The following CCSER1 variants were observed in gnomAD, a reference collection of about 807,000 sequenced individuals.
The protein encoded by CCSER1 is serine-rich coiled-coil domain-containing protein 1.
In CCSER1, 41 loss-of-function variants were observed where a neutral mutation model predicts 82.0. The ratio of observed to expected loss-of-function variants is 0.50; its 90% CI spans 0.39 to 0.65. CCSER1 has a LOEUF of 0.65. CCSER1 is among the 30% of genes least tolerant of loss of function. The pLI, the probability that CCSER1 is intolerant of heterozygous loss-of-function variation, is 0.00. For synonymous variants in CCSER1, 414 were observed against 383.9 expected, an observed-to-expected ratio of 1.08 and a Z score of -0.92; for missense variants, 1,119 against 1,064.2, an observed-to-expected ratio of 1.05 and a Z score of -0.72.
chr4:90,882,710 A>T (rs1302809197), intron 8 of CCSER1, among the ~76,000 whole-genome samples: 3 of 152,044 alleles, frequency 2.0e-5, no homozygotes, highest in African/African-American at 7.2e-5. Flanking sequence ...AACACTGAAT[A>T]GCTTTTTCTA....
At chr4:91,130,566 A>G (rs1010014169) in intron 10 of CCSER1, among the ~76,000 whole-genome samples, 5 of 151,848 alleles carry the variant, frequency 3.3e-5, no homozygotes, top group Non-Finnish European at 7.4e-5. Flanking sequence ...TTCTTTATAT[A>G]GTAAAATATT....
At chr4:91,131,331 CTTTT>C (rs34209878) in intron 10 of CCSER1, among the ~76,000 whole-genome samples, 4 of 137,744 alleles carry the variant, frequency 2.9e-5, no homozygotes, top group Non-Finnish European at 4.7e-5. Context: ...GTTCTCCCCT[CTTTT>C]TTTTTTTTTT....
At chr4:90,669,947 T>C (rs1167780211) in intron 6 of CCSER1, among the ~76,000 whole-genome samples, 1 of 152,108 alleles carries the variant, frequency 6.6e-6, no homozygotes, top group African/African-American at 2.4e-5. Context: ...TCTAAAATGC[T>C]TTTAGATTGG....
chr4:90,975,651 G>A (rs1051663244), intron 9 of CCSER1, among the ~76,000 whole-genome samples: 4 of 151,082 alleles, frequency 2.6e-5, no homozygotes, highest in Non-Finnish European at 5.9e-5. Flanking sequence ...ATTAGTAGTA[G>A]TATGGTTATC....
intron 1 of CCSER1, among the ~76,000 whole-genome samples, chr4:90,209,345 AGGGATCTG>A (rs937418100): frequency 1.3e-5 from 2 of 152,146 alleles, no homozygotes; most frequent in Admixed American, 1.3e-4. Flanking sequence ...TATCATTGGT[AGGGATCTG>A]GGCAATGAGT....
At chr4:91,108,116 A>G (rs984377581) in intron 10 of CCSER1, 5 of 152,228 alleles carry the variant, frequency 3.3e-5, no homozygotes, top group African/African-American at 1.2e-4. Flanking sequence ...AAGAGAGACA[A>G]ATGTTAACAA....
chr4:90,794,489 T>C (rs1755704266), intron 7 of CCSER1, among the ~76,000 whole-genome samples: 1 of 152,214 alleles, frequency 6.6e-6, no homozygotes, highest in Non-Finnish European at 1.5e-5. Flanking sequence ...GTGGCCTTAT[T>C]ACTGGGTTCT....
chr4:91,481,163 T>A lies in CCSER1; in HGVS notation c.2218-117409T>A, dbSNP rs962913807. Among the ~76,000 whole-genome samples, 3 of 151,036 alleles carry A rather than the reference T, an allele frequency of 2.0e-5. No homozygotes were observed. The South Asian group carries it at 6.3e-4, about 32-fold the overall frequency. On this transcript the variant is annotated intron_variant, in intron 10 of 10. Coordinates refer to ENST00000509176, the MANE Select transcript of CCSER1 (RefSeq NM_001145065.2). The stretch of plus-strand genomic sequence containing the variant: ...TTGTGACATGCAGTGTTTGAATGAC[T>A]TCATAATCAGAAATGATATGCTGTA...
chr4:90,271,853 TATATATATA>T (rs1261413783), intron 1 of CCSER1, among the ~76,000 whole-genome samples: 8 of 29,688 alleles, frequency 2.7e-4, no homozygotes, highest in African/African-American at 2.0e-3. Flanking sequence ...TATATATATA[TATATATATA>T]TTTTTTTTTT....
intron 9 of CCSER1, among the ~76,000 whole-genome samples, chr4:91,009,877 TTTTTGAATC>T (rs1396933591): frequency 3.3e-5 from 5 of 152,330 alleles, no homozygotes; most frequent in Admixed American, 3.3e-4. Context: ...GCTATCATTA[TTTTTGAATC>T]TTTTGACTTT....
rs140544707 is a variant in CCSER1 at position 90,515,990 on chromosome 4, CA to C, written c.1724+47637del. 6.6e-3 allele frequency among the ~76,000 whole-genome samples: 1,007 copies of C among 152,160 alleles called. 6 individuals are homozygous for C. Among genetic ancestry groups the C allele is most frequent in the African/African-American group, 0.016 (679 of 41,540 alleles). Reference sequence around the variant, plus strand: ...ATGCTCTGTTTTACATTTAATAAAACAGAAATGGCTTCATGAAGCCTGGAAT... The same window carrying C: ...ATGCTCTGTTTTACATTTAATAAAACGAAATGGCTTCATGAAGCCTGGAAT... On this transcript the variant is annotated intron_variant, in intron 5 of 10. Coordinates refer to ENST00000509176, the MANE Select transcript of CCSER1 (RefSeq NM_001145065.2).
At chr4:90,574,883 G>A (rs904148119) in intron 5 of CCSER1, among the ~76,000 whole-genome samples, 1 of 151,946 alleles carries the variant, frequency 6.6e-6, no homozygotes, top group Non-Finnish European at 1.5e-5. Flanking sequence ...TCTGATGAAT[G>A]TTTTTCTCCC....
chr4:91,196,157 G>C (rs1312905533), intron 10 of CCSER1, among the ~76,000 whole-genome samples: 1 of 147,894 alleles, frequency 6.8e-6, no homozygotes, highest in East Asian at 2.0e-4. Flanking sequence ...ACAGCAGTCC[G>C]GCCTGGGCCA....
intron 9 of CCSER1, among the ~76,000 whole-genome samples, chr4:90,971,635 G>A (rs921130700): frequency 6.6e-6 from 1 of 151,914 alleles, no homozygotes; most frequent in Non-Finnish European, 1.5e-5. Context: ...AAATTGAAAA[G>A]GACAGTATGC....
intron 8 of CCSER1, among the ~76,000 whole-genome samples, chr4:90,820,986 A>G (rs1759656908): frequency 6.6e-6 from 1 of 152,150 alleles, no homozygotes; most frequent in South Asian, 2.1e-4. Context: ...CTTCTTTGGA[A>G]AATAAATGAA....
rs139914718 is a variant in CCSER1, at chr4:90,911,128, A to G, written c.2095-12242A>G. On this transcript the variant is annotated intron_variant, in intron 8 of 10. Transcript: ENST00000509176. ...CCAGCCTGTGTTCTTATTTAATTCC[A>G]ATATCCATTGTTAAATCTGGGTAAT... is the stretch of plus-strand genomic sequence containing the variant. The G allele has an allele frequency of 7.7e-3, 2,802 of 363,804 alleles. 23 individuals carry two copies. The highest frequency in any genetic ancestry group is 0.024 in the Middle Eastern group (24 of 992). The allele number at this position is 363,804 out of a possible 1,614,324, so 22.5% of individuals were successfully genotyped here. A position where few individuals can be genotyped will look rare whatever the true frequency, so the allele number is the denominator to read the frequency against.
chr4:91,076,682 C>T (rs985124136), intron 9 of CCSER1, among the ~76,000 whole-genome samples: 2 of 152,020 alleles, frequency 1.3e-5, no homozygotes. Context: ...GAAGGAGTTA[C>T]ATCTGTAAGT....
chr4:91,293,736 TA>T (rs1743935154), intron 10 of CCSER1, among the ~76,000 whole-genome samples: 1 of 151,960 alleles, frequency 6.6e-6, no homozygotes, highest in African/African-American at 2.4e-5. Flanking sequence ...AACTTTTATT[TA>T]TTATAAACCA....
rs775826192 is a variant in CCSER1, at chr4:90,323,897, T to C, written c.1509+10850T>C. Among the ~76,000 whole-genome samples, 9 of 152,054 alleles carry C rather than the reference T, an allele frequency of 5.9e-5. No homozygotes were observed. The South Asian group carries it at 8.3e-4, about 14-fold the overall frequency. ...ATGTGTTCTCATTGTTCAGTTCCCA[T>C]CTATGAGTGAGAATATGCGGTATTT... On this transcript the variant is annotated intron_variant, in intron 3 of 10. Coordinates refer to ENST00000509176, the MANE Select transcript of CCSER1 (RefSeq NM_001145065.2).
Sources: gnomAD v4.1 joint callset for allele counts (sites outside exome capture counted in the v4.1 genomes callset) on GRCh38, gnomAD v4.1.1 for gene constraint, MANE v1.5 for transcripts, NCBI Gene and HGNC (gene_info 2026-07-23, HGNC 2026-07-21) for gene names.